The following PNKP variants were observed in gnomAD, a reference collection of about 807,000 sequenced individuals.
PNKP encodes the protein bifunctional polynucleotide phosphatase/kinase.
PNKP carries 82 observed loss-of-function variants against 66.2 expected under a neutral mutation model. The ratio of observed to expected loss-of-function variants is 1.24; its 90% confidence interval spans 1.04 to 1.49. The LOEUF (loss-of-function observed/expected upper bound fraction) is 1.49. PNKP is among the 40% of genes most tolerant of loss of function. The pLI, the probability that PNKP is intolerant of heterozygous loss-of-function variation, is 0.00. For synonymous variants in PNKP, 412 were observed against 298.9 expected, an observed-to-expected ratio of 1.38 and a Z score of -3.90; for missense variants, 907 against 706.8, an observed-to-expected ratio of 1.28 and a Z score of -3.21.
Position 49,862,616 on chromosome 19 carries a change from A to C in PNKP, c.866-8T>G, listed in dbSNP as rs2074785449. ...CCGGGCGTCCGGCTGCGTCTGGAAC[A>C]CACGGGACACCCCGTTCCCACCAGC... On this transcript the variant is annotated splice_polypyrimidine_tract_variant and splice_region_variant and intron_variant, in intron 9 of 16. Coordinates refer to ENST00000322344, the MANE Select transcript of PNKP (RefSeq NM_007254.4). The C allele has an allele frequency of 6.2e-7, 1 of 1,613,934 alleles. No homozygotes were observed. The highest frequency in any genetic ancestry group is 8.5e-7 in the Non-Finnish European group (1 of 1,179,916).
In PNKP at chr19:49,867,033, TCCAGCTCAGGCC is replaced by T. The variant is rs1388451202; in HGVS notation, c.151+9_151+20del. On this transcript the variant is annotated intron_variant, in intron 2 of 16. Coordinates refer to ENST00000322344, the MANE Select transcript of PNKP (RefSeq NM_007254.4). ...CGCTTTTGCAGCAGGCCACACCCCC[TCCAGCTCAGGCC>T]CCGCTCACCTTGAGTTCTGGAGCAC... The T allele has an allele frequency of 6.2e-7, 1 of 1,612,586 alleles. No homozygotes were observed. Among genetic ancestry groups the T allele is most frequent in the African/African-American group, 1.3e-5 (1 of 74,876 alleles).
intron 8 of PNKP, among the ~76,000 whole-genome samples, chr19:49,863,118 G>A (rs1600419249): frequency 1.3e-5 from 2 of 152,334 alleles, no homozygotes; most frequent in South Asian, 2.1e-4. Flanking sequence ...CCAGCCGCAT[G>A]GGCCTCGCTG....
In PNKP at chr19:49,867,534, T is replaced by G. The variant is rs1308043317; in HGVS notation, c.-79A>C. ...GAGGTCCTGCCCGAGGTGCCCCGCC[T>G]GCAACCCGGCCGGCGGCGGTCGGTT... is the stretch of plus-strand genomic sequence containing the variant. On this transcript the variant is annotated 5_prime_UTR_variant, in exon 1 of 17. Transcript: ENST00000322344. 1.3e-5 allele frequency: 4 copies of G among 310,538 alleles called. No individual in the cohort carries two copies. The highest frequency in any genetic ancestry group is 1.8e-5 in the Non-Finnish European group (3 of 167,320). The allele number at this position is 310,538 out of a possible 1,614,324, so 19.2% of individuals were successfully genotyped here. A position where few individuals can be genotyped will look rare whatever the true frequency, so the allele number is the denominator to read the frequency against.
At chr19:49,863,277 G>T (rs1468824034) in intron 8 of PNKP, among the ~76,000 whole-genome samples, 1 of 152,026 alleles carries the variant, frequency 6.6e-6, no homozygotes, top group African/African-American at 2.4e-5. Context: ...CTCCTCAGAG[G>T]CCATCCCTGC....
intron 8 of PNKP, 161 bp from the exon 9 acceptor site, chr19:49,862,899 C>T: frequency 1.3e-6 from 1 of 764,156 alleles, no homozygotes; most frequent in South Asian, 1.5e-5. Context: ...GCTCCTGGCC[C>T]CCTCCCCCCT....
Position 49,867,208 on chromosome 19 carries a change from G to C in PNKP, c.-4C>G, listed in dbSNP as rs796052847. The C allele has an allele frequency of 3.1e-6, 5 of 1,609,550 alleles. No homozygotes were observed. The highest frequency in any genetic ancestry group is 2.7e-5 in the African/African-American group (2 of 74,942). ...CCGGGGCCTCCACCTCGCCCATCCT[G>C]GGTGCCGGCCTGGGGAGCAGGTAAA... On this transcript the variant is annotated 5_prime_UTR_variant, in exon 2 of 17. Coordinates refer to ENST00000322344, the MANE Select transcript of PNKP (RefSeq NM_007254.4).
rs368301643 is a variant in PNKP at position 49,863,730 on chromosome 19, G to A, written c.775C>T (p.Arg259Trp). The A allele has an allele frequency of 1.0e-5, 16 of 1,559,542 alleles. No homozygotes were observed. The highest frequency in any genetic ancestry group is 3.9e-5 in the Admixed American group (2 of 51,866). Residue 259 changes from arginine to tryptophan, a missense_variant, in exon 8 of 17, where the codon CGG (arginine) becomes TGG (tryptophan). By Grantham distance (101) the Arg-to-Trp change is moderately radical. Transcript: ENST00000322344. Reference sequence around the variant, plus strand: ...TCCCACATGCCCGTCACCGGCTTCCGGTACAAGCCTGCGTGCGTGGCCACC... The same window carrying A: ...TCCCACATGCCCGTCACCGGCTTCCAGTACAAGCCTGCGTGCGTGGCCACC... ...VLVATHAGLYRKPVTGMWDHL... is the reference protein window; with the variant it reads ...VLVATHAGLYWKPVTGMWDHL...
chr19:49,867,198 C>T lies in PNKP; in HGVS notation c.7G>A (p.Glu3Lys). 6.2e-7 allele frequency: 1 copy of T among 1,610,864 alleles called. No homozygotes were observed. Among genetic ancestry groups the T allele is most frequent in the Middle Eastern group, 1.7e-4 (1 of 5,848 alleles). The part of the protein sequence containing the change: MG[E>K]VEAPGRLWLE... Reference sequence around the variant, plus strand: ...CACAAGCGGCCCGGGGCCTCCACCTCGCCCATCCTGGGTGCCGGCCTGGGG... The same window carrying T: ...CACAAGCGGCCCGGGGCCTCCACCTTGCCCATCCTGGGTGCCGGCCTGGGG... The change falls in exon 2 of 17, where the codon GAG (glutamate) becomes AAG (lysine). Residue 3 changes from glutamate (E) to lysine (K), a missense_variant. Glu to Lys is a moderately conservative substitution (Grantham distance 56). Coordinates refer to ENST00000322344, the MANE Select transcript of PNKP (RefSeq NM_007254.4).
rs929732858 is a variant in PNKP, at chr19:49,861,471, C to T, written c.1426G>A (p.Asp476Asn). 1.2e-6 allele frequency: 2 copies of T among 1,613,392 alleles called. No homozygotes were observed. Among genetic ancestry groups the T allele is most frequent in the African/African-American group, 1.3e-5 (1 of 74,724 alleles). ...TACCTGTAGCCATACATGACCATGT[C>T]TGACACGGGGATATGAGAGGAGTCC... The part of the protein sequence containing the change: ...MTDSSHIPVS[D>N]MVMYGYRKQF... Residue 476 changes from aspartate (D) to asparagine (N), a missense_variant, in exon 16 of 17, where the codon GAC (aspartate) becomes AAC (asparagine). Physicochemically the swap from Asp to Asn is conservative, Grantham distance 23. Transcript: ENST00000322344.
In PNKP at chr19:49,864,335, G is replaced by C. The variant is rs201129262; in HGVS notation, c.567C>G (p.Pro189=). 1 of 1,613,682 alleles carries C rather than the reference G, an allele frequency of 6.2e-7. No individual in the cohort carries two copies. The highest frequency in any genetic ancestry group is 1.3e-5 in the African/African-American group (1 of 75,030). ...TTGCCTCTTATCACCTCCAGTCACT[G>C]GGGCCAGTGGGAAAGACCTTCCCAG... is the stretch of plus-strand genomic sequence containing the variant. ...TRSGKVFPTG[P]SDWRILYPEI... Residue 189 remains proline (P), a synonymous_variant, in exon 5 of 17, where the codon CCC becomes CCG. Coordinates refer to ENST00000322344, the MANE Select transcript of PNKP (RefSeq NM_007254.4).
rs141393594 is a variant in PNKP, at chr19:49,866,013, TTTTTC to T, written c.198+381_198+385del. On this transcript the variant is annotated intron_variant, in intron 3 of 16. Transcript: ENST00000322344. ...ACATCCCCTTCTCTCCCAGCCATAT[TTTTTC>T]TTTTCTTTTTTTGAGACAGGTTCTC... The T allele has an allele frequency of 7.6e-3, 2,565 of 337,400 alleles. 105 individuals carry two copies. The Admixed American group carries it at 0.082, about 11-fold the overall frequency. The allele number at this position is 337,400 out of a possible 1,614,324, so 20.9% of individuals were successfully genotyped here.
rs761397204 is a variant in PNKP, at chr19:49,861,316, C to T, written c.1498G>A (p.Glu500Lys). 1.5e-5 allele frequency: 24 copies of T among 1,614,116 alleles called. No homozygotes were observed. Among genetic ancestry groups the T allele is most frequent in the Non-Finnish European group, 1.9e-5 (23 of 1,180,000 alleles). Residue 500 changes from glutamate to lysine, a missense_variant, in exon 17 of 17, where the codon GAG becomes AAG. Coordinates refer to ENST00000322344, the MANE Select transcript of PNKP (RefSeq NM_007254.4). ...TLAEGFSAILEIPFRLWVEPR... is the reference protein window; with the variant it reads ...TLAEGFSAILKIPFRLWVEPR... ...TCCACCCATAGCCGGAACGGGATCT[C>T]CAGGATGGCAGAGAAGCCTTCAGCC...
In PNKP at chr19:49,861,497, G is replaced by A; in HGVS notation, c.1400C>T (p.Thr467Met). The A allele has an allele frequency of 1.2e-6, 2 of 1,607,032 alleles. No individual in the cohort carries two copies. Among genetic ancestry groups the A allele is most frequent in the African/African-American group, 1.3e-5 (1 of 74,208 alleles). The change falls in exon 16 of 17, where the codon ACG (threonine) becomes ATG (methionine). Residue 467 changes from threonine (T) to methionine (M), a missense_variant. By Grantham distance (81) the Thr-to-Met change is moderately conservative (BLOSUM62 -1). Transcript: ENST00000322344. ...TGACACGGGGATATGAGAGGAGTCC[G>A]TCATCTCTCGAAACTGTGGGGAACA... ...ARHNNRFREM[T>M]DSSHIPVSDM...
chr19:49,862,965 C>A lies in PNKP; in HGVS notation c.817-227G>T, dbSNP rs150411318. ...CAGGTCTCCCGACTTCACCTCCTCC[C>A]GTTCCCCACGCGGCCACCGGAGGGC... On this transcript the variant is annotated intron_variant, in intron 8 of 16. Transcript: ENST00000322344. 0.014 allele frequency: 8,909 copies of A among 645,410 alleles called. 105 individuals are homozygous for A. The highest frequency in any genetic ancestry group is 0.017 in the Non-Finnish European group (6,016 of 354,534). 40.0% of individuals were successfully genotyped at this position (645,410 alleles called of 1,614,324 possible). A position where few individuals can be genotyped will look rare whatever the true frequency, so the allele number is the denominator to read the frequency against.
At chr19:49,865,082 G>C in intron 4 of PNKP, 45 bp downstream of exon 4, 1 of 1,563,278 alleles carries the variant, frequency 6.4e-7, no homozygotes, top group Non-Finnish European at 8.8e-7. Context: ...GTGGGATTGG[G>C]TCCCAGTCTG....
Position 49,867,090 on chromosome 19 carries a change from T to C in PNKP, c.115A>G (p.Thr39Ala). ...QALVLGRGPLTQVTDRKCSRT... is the reference protein window; with the variant it reads ...QALVLGRGPLAQVTDRKCSRT... The stretch of plus-strand genomic sequence containing the variant: ...GAGCACTTCCGGTCCGTAACCTGGG[T>C]CAGGGGTCCCCTGCCCAGGACCAGG... Residue 39 changes from threonine to alanine, a missense_variant, in exon 2 of 17, where the codon ACC (threonine) becomes GCC (alanine). Coordinates refer to ENST00000322344, the MANE Select transcript of PNKP (RefSeq NM_007254.4). 1 of 1,613,596 alleles carries C rather than the reference T, an allele frequency of 6.2e-7. No individual in the cohort carries two copies. The highest frequency in any genetic ancestry group is 8.5e-7 in the Non-Finnish European group (1 of 1,179,814).
At position 49,865,174 on chromosome 19, in the gene PNKP, C is replaced by T. The variant is rs2074809086; in HGVS notation, c.451G>A (p.Glu151Lys). The T allele has an allele frequency of 2.5e-6, 4 of 1,614,236 alleles. No individual in the cohort carries two copies. The highest frequency in any genetic ancestry group is 3.4e-6 in the Non-Finnish European group (4 of 1,180,040). Residue 151 changes from glutamate to lysine, a missense_variant, in exon 4 of 17, where the codon GAG (glutamate) becomes AAG (lysine). Coordinates refer to ENST00000322344, the MANE Select transcript of PNKP (RefSeq NM_007254.4). ...GCTGCGGTGAACACTAGCAACTTCTCCAAGTTCTCCCAGCCGGGGTTTGAC... is the reference window on the plus strand; with the variant it reads ...GCTGCGGTGAACACTAGCAACTTCTTCAAGTTCTCCCAGCCGGGGTTTGAC... ...RKSNPGWENL[E>K]KLLVFTAAGV...
Position 49,866,460 on chromosome 19 carries a change from G to A in PNKP, c.152-15C>T, listed in dbSNP as rs367755400. 8.7e-6 allele frequency: 14 copies of A among 1,613,850 alleles called. No homozygotes were observed. The highest frequency in any genetic ancestry group is 1.1e-5 in the Non-Finnish European group (13 of 1,179,684). ...GACCAGCTCCACTGAGGATTGGAGG[G>A]GTGGAGTCAGGATTTGCATCCTTGT... is the stretch of plus-strand genomic sequence containing the variant. On this transcript the variant is annotated splice_polypyrimidine_tract_variant and intron_variant, in intron 2 of 16. Transcript: ENST00000322344.
At chr19:49,865,929 A>C in intron 3 of PNKP, 1 of 235,414 alleles carries the variant, frequency 4.2e-6, no homozygotes, top group Non-Finnish European at 8.5e-6. Flanking sequence ...TCCAATTTCT[A>C]AGGTCTTGGA....
Sources: gnomAD v4.1 joint callset for allele counts (sites outside exome capture counted in the v4.1 genomes callset) on GRCh38, gnomAD v4.1.1 for gene constraint, MANE v1.5 for transcripts, NCBI Gene and HGNC (gene_info 2026-07-23, HGNC 2026-07-21) for gene names.